The following NOVA1 variants were observed in gnomAD, a reference collection of about 807,000 sequenced individuals.
The protein encoded by NOVA1 is NOVA alternative splicing regulator 1, also known as RNA-binding protein Nova-1.
A neutral mutation model predicts 38.0 loss-of-function variants in NOVA1; 7 were observed. That is an observed-to-expected ratio of 0.18 (90% CI 0.10 to 0.35). NOVA1 has a LOEUF of 0.35. Among genes scored for constraint, NOVA1 ranks in the 10% least tolerant of loss-of-function variants. The pLI, the probability that NOVA1 is intolerant of heterozygous loss-of-function variation, is 1.00. For missense variants in NOVA1, 460 were observed against 616.0 expected (o/e 0.75, Z 2.68); for synonymous variants, 270 against 232.5 (o/e 1.16, Z -1.47).
chr14:26,462,074 A>G (rs1883725770), intron 4 of NOVA1, among the ~76,000 whole-genome samples: 1 of 150,138 alleles, frequency 6.7e-6, no homozygotes, highest in South Asian at 2.1e-4. Flanking sequence ...TGACAAAAAG[A>G]TTTTTTTTTT....
chr14:26,464,128 G>T (rs547081438), intron 4 of NOVA1, among the ~76,000 whole-genome samples: 1 of 152,242 alleles, frequency 6.6e-6, no homozygotes, highest in South Asian at 2.1e-4. Flanking sequence ...CAAATCCCTA[G>T]ATCACACTTT....
chr14:26,525,233 T>C (rs969793207), intron 2 of NOVA1, among the ~76,000 whole-genome samples: 7 of 152,128 alleles, frequency 4.6e-5, no homozygotes, highest in Admixed American at 4.6e-4. Flanking sequence ...CAAGCCAACT[T>C]ATTTTGTGTT....
At chr14:26,462,548 A>G (rs552481495) in intron 4 of NOVA1, among the ~76,000 whole-genome samples, 2 of 152,356 alleles carry the variant, frequency 1.3e-5, no homozygotes, top group South Asian at 2.1e-4. Flanking sequence ...TAATTTTGAT[A>G]TAAAGCTAGA....
chr14:26,520,185 A>G (rs1432247366), intron 2 of NOVA1, among the ~76,000 whole-genome samples: 4 of 152,222 alleles, frequency 2.6e-5, no homozygotes, highest in Non-Finnish European at 5.9e-5. Context: ...TGACCTTTCA[A>G]TAACATATTT....
At chr14:26,478,417 T>C (rs1885163763) in intron 3 of NOVA1, among the ~76,000 whole-genome samples, 1 of 151,954 alleles carries the variant, frequency 6.6e-6, no homozygotes, top group South Asian at 2.1e-4. Context: ...CCCTAAATGT[T>C]TGAATTTTCT....
intron 2 of NOVA1, among the ~76,000 whole-genome samples, chr14:26,523,356 T>G (rs1202912310): frequency 6.6e-6 from 1 of 152,254 alleles, no homozygotes; most frequent in African/African-American, 2.4e-5. Flanking sequence ...CACAATACTG[T>G]GCCACCTTAT....
intron 2 of NOVA1, among the ~76,000 whole-genome samples, chr14:26,552,029 A>C (rs1455768978): frequency 6.6e-6 from 1 of 152,092 alleles, no homozygotes; most frequent in Non-Finnish European, 1.5e-5. Flanking sequence ...GTGAGGAAAA[A>C]GACTTGCTAA....
intron 2 of NOVA1, among the ~76,000 whole-genome samples, chr14:26,525,316 TTACTC>T (rs1341966557): frequency 2.0e-5 from 3 of 152,132 alleles, no homozygotes; most frequent in Non-Finnish European, 2.9e-5. Context: ...AATCAACAAA[TTACTC>T]TGCCAACTTT....
chr14:26,570,442 A>G (rs1229730188), intron 2 of NOVA1, among the ~76,000 whole-genome samples: 1 of 152,166 alleles, frequency 6.6e-6, no homozygotes, highest in Non-Finnish European at 1.5e-5. Flanking sequence ...CTGTGGTTAT[A>G]GTATTAAAAA....
intron 2 of NOVA1, among the ~76,000 whole-genome samples, chr14:26,572,316 AC>A (rs1468024136): frequency 6.6e-6 from 1 of 152,176 alleles, no homozygotes; most frequent in African/African-American, 2.4e-5. Context: ...ATCAAAATTA[AC>A]CAATTTTTCC....
At chr14:26,471,141 G>A (rs1884555675) in intron 4 of NOVA1, among the ~76,000 whole-genome samples, 1 of 151,916 alleles carries the variant, frequency 6.6e-6, no homozygotes, top group Non-Finnish European at 1.5e-5. Context: ...ATTATAAAAT[G>A]CTTTTGTTTG....
Position 26,597,507 on chromosome 14 carries a change from C to CTTTTTTTTTT in NOVA1, c.-81_-72dup, listed in dbSNP as rs563401938. On this transcript the variant is annotated 5_prime_UTR_variant, in exon 1 of 5. Transcript: ENST00000539517. ...GTTTTGGCTTTTTCTTTTCTTTTTT[C>CTTTTTTTTTT]TTTTTTTTTTTTTTTTTTTTTTGCG... is the stretch of plus-strand genomic sequence containing the variant. The CTTTTTTTTTT allele has an allele frequency of 6.5e-5, 51 of 782,696 alleles. 1 individual carries two copies. The highest frequency in any genetic ancestry group is 1.7e-4 in the East Asian group (2 of 11,548). The allele number at this position is 782,696 out of a possible 1,614,324, so 48.5% of individuals were successfully genotyped here. A position where few individuals can be genotyped will look rare whatever the true frequency, so the allele number is the denominator to read the frequency against.
chr14:26,521,934 C>T (rs965134104), intron 2 of NOVA1, among the ~76,000 whole-genome samples: 15 of 151,644 alleles, frequency 9.9e-5, no homozygotes, highest in African/African-American at 3.4e-4. Flanking sequence ...TGAAGTATAA[C>T]ATTTTCCTTA....
chr14:26,524,093 C>CA (rs1889125709), intron 2 of NOVA1, among the ~76,000 whole-genome samples: 1 of 152,070 alleles, frequency 6.6e-6, no homozygotes, highest in African/African-American at 2.4e-5. Context: ...GTGGGCTGGG[C>CA]AAAATCAGGC....
rs1167826131 is a variant in NOVA1 at position 26,597,624 on chromosome 14, GA to G, written c.-189del. On this transcript the variant is annotated 5_prime_UTR_variant, in exon 1 of 5. Transcript: ENST00000539517. Reference sequence around the variant, plus strand: ...ATGTTGCTGGTTTGTTCTCACTGGGGAGGGGGCAGGGCTGAGGAGCAGCTGC... The same window carrying G: ...ATGTTGCTGGTTTGTTCTCACTGGGGGGGGGCAGGGCTGAGGAGCAGCTGC... 1 of 1,218,718 alleles carries G rather than the reference GA, an allele frequency of 8.2e-7. No individual in the cohort carries two copies. Among genetic ancestry groups the G allele is most frequent in the Admixed American group, 4.3e-5 (1 of 23,060 alleles). 75.5% of individuals were successfully genotyped at this position (1,218,718 alleles called of 1,614,324 possible). A position where few individuals can be genotyped will look rare whatever the true frequency, so the allele number is the denominator to read the frequency against.
chr14:26,540,501 T>C (rs1416746269), intron 2 of NOVA1, among the ~76,000 whole-genome samples: 3 of 152,284 alleles, frequency 2.0e-5, no homozygotes, highest in Middle Eastern at 3.4e-3. Flanking sequence ...TGTAACCATA[T>C]TTTTAAAAAT....
chr14:26,590,822 CT>C (rs1893800244), intron 2 of NOVA1, among the ~76,000 whole-genome samples: 1 of 151,692 alleles, frequency 6.6e-6, no homozygotes, highest in Admixed American at 6.6e-5. Flanking sequence ...TTTAAATGAG[CT>C]GTTTTTCCAA....
chr14:26,596,263 C>T (rs1276614717), intron 1 of NOVA1, among the ~76,000 whole-genome samples: 1 of 152,098 alleles, frequency 6.6e-6, no homozygotes, highest in Admixed American at 6.5e-5. Context: ...TCTGCCAATA[C>T]TAAAAAGCTT....
chr14:26,577,631 T>G (rs1892943349), intron 2 of NOVA1, among the ~76,000 whole-genome samples: 1 of 152,088 alleles, frequency 6.6e-6, no homozygotes, highest in Admixed American at 6.6e-5. Flanking sequence ...TAATCAGAAT[T>G]GTGACAGATT....
Sources: allele counts gnomAD v4.1 joint callset (sites outside exome capture counted in the v4.1 genomes callset), GRCh38; gene constraint gnomAD v4.1.1; transcripts MANE v1.5; gene names NCBI Gene and HGNC (gene_info 2026-07-23, HGNC 2026-07-21).